UBE2E2: variants seen among roughly 807,000 people sequenced by gnomAD.
UBE2E2 encodes ubiquitin conjugating enzyme E2 E2, also known as ubiquitin-conjugating enzyme E2 E2.
In UBE2E2, 6 loss-of-function variants were observed where a neutral mutation model predicts 24.7. That is an observed-to-expected ratio of 0.24 (90% CI 0.13 to 0.48). UBE2E2 has a LOEUF of 0.48. Among genes scored for constraint, UBE2E2 ranks in the 20% least tolerant of loss-of-function variants. The pLI is 0.99. For synonymous variants in UBE2E2, 104 were observed against 83.6 expected, an observed-to-expected ratio of 1.24 and a Z score of -1.33; for missense variants, 169 against 245.0, an observed-to-expected ratio of 0.69 and a Z score of 2.07.
chr3:23,579,384 CAA>C lies in UBE2E2; in HGVS notation c.509-10334_509-10333del, dbSNP rs796492703. Among the ~76,000 whole-genome samples, 54 of 86,992 alleles carry C rather than the reference CAA, an allele frequency of 6.2e-4. 1 individual carries two copies. Among genetic ancestry groups the C allele is most frequent in the African/African-American group, 1.5e-3 (39 of 26,534 alleles). 57.1% of individuals were successfully genotyped at this position (86,992 alleles called of 152,430 possible). On this transcript the variant is annotated intron_variant, in intron 5 of 5. Coordinates refer to ENST00000396703, the MANE Select transcript of UBE2E2 (RefSeq NM_152653.4). ...TGGGCAACAGAGCAAGACTCCATCT[CAA>C]AAAAAAAAAAAAAAACCTAAAAGCC...
At chr3:23,502,757 A>G (rs920431767) in intron 4 of UBE2E2, among the ~76,000 whole-genome samples, 1 of 152,222 alleles carries the variant, frequency 6.6e-6, no homozygotes, top group Non-Finnish European at 1.5e-5. Flanking sequence ...GTTGAGTATT[A>G]GTACTTTTCA....
chr3:23,355,862 A>C (rs1226061922), intron 3 of UBE2E2, among the ~76,000 whole-genome samples: 1 of 152,250 alleles, frequency 6.6e-6, no homozygotes. Flanking sequence ...TGCAGTTCGT[A>C]CATACCTCTC....
intron 3 of UBE2E2, among the ~76,000 whole-genome samples, chr3:23,311,122 C>T (rs1361884473): frequency 6.6e-6 from 1 of 152,026 alleles, no homozygotes; most frequent in African/African-American, 2.4e-5. Flanking sequence ...GTTTTTTGTC[C>T]TTGTGATAGT....
chr3:23,455,162 A>G (rs1485125118), intron 3 of UBE2E2, among the ~76,000 whole-genome samples: 5 of 152,220 alleles, frequency 3.3e-5, no homozygotes, highest in African/African-American at 7.2e-5. Flanking sequence ...AGAACTATCA[A>G]CAATCTATAA....
intron 4 of UBE2E2, among the ~76,000 whole-genome samples, chr3:23,522,569 C>T (rs1279890625): frequency 6.6e-6 from 1 of 151,834 alleles, no homozygotes; most frequent in Non-Finnish European, 1.5e-5. Context: ...TTTCTGAACC[C>T]CTCCACTTTT....
At chr3:23,244,632 A>G (rs986116252) in intron 3 of UBE2E2, among the ~76,000 whole-genome samples, 2 of 152,172 alleles carry the variant, frequency 1.3e-5, no homozygotes, top group African/African-American at 2.4e-5. Flanking sequence ...AATTGTAATA[A>G]TGCCTTTATT....
chr3:23,301,690 C>T (rs1185010247), intron 3 of UBE2E2, among the ~76,000 whole-genome samples: 1 of 152,174 alleles, frequency 6.6e-6, no homozygotes, highest in Non-Finnish European at 1.5e-5. Context: ...CAGTCCACCC[C>T]CTACTGAGAG....
intron 3 of UBE2E2, among the ~76,000 whole-genome samples, chr3:23,412,267 G>T (rs1697512203): frequency 6.6e-6 from 1 of 152,034 alleles, no homozygotes; most frequent in Admixed American, 6.6e-5. Flanking sequence ...ACGTATTTGT[G>T]TTTTTAAAGA....
At chr3:23,545,226 G>A (rs1005907869) in intron 5 of UBE2E2, among the ~76,000 whole-genome samples, 2 of 152,096 alleles carry the variant, frequency 1.3e-5, no homozygotes, top group African/African-American at 4.8e-5. Context: ...GTGTCGGGCT[G>A]GGGGAGGGTC....
intron 5 of UBE2E2, among the ~76,000 whole-genome samples, chr3:23,563,756 T>C (rs1037702917): frequency 2.0e-5 from 3 of 152,128 alleles, no homozygotes; most frequent in Non-Finnish European, 4.4e-5. Flanking sequence ...AAGTGAAATA[T>C]TGGTAAATAA....
chr3:23,339,708 G>A (rs1695329455), intron 3 of UBE2E2, among the ~76,000 whole-genome samples: 1 of 151,864 alleles, frequency 6.6e-6, no homozygotes, highest in South Asian at 2.1e-4. Flanking sequence ...CTTCACTTGA[G>A]GATTTTTTTT....
rs59616788 is a variant in UBE2E2, at chr3:23,413,021, G to A, written c.228-86587G>A. On this transcript the variant is annotated intron_variant, in intron 3 of 5. Transcript: ENST00000396703. The stretch of plus-strand genomic sequence containing the variant: ...TGCTTATTGAAAGACACAGGAAGGG[G>A]AACATCACACTCCGGGGACAGTTTT... Among the ~76,000 whole-genome samples the A allele has an allele frequency of 6.3e-4, 87 of 138,350 alleles. 3 individuals carry two copies. The East Asian group carries it at 0.018, about 29-fold the overall frequency. 90.8% of individuals were successfully genotyped at this position (138,350 alleles called of 152,430 possible). A position where few individuals can be genotyped will look rare whatever the true frequency, so the allele number is the denominator to read the frequency against.
At chr3:23,563,061 C>G (rs1438772045) in intron 5 of UBE2E2, among the ~76,000 whole-genome samples, 2 of 152,034 alleles carry the variant, frequency 1.3e-5, no homozygotes, top group South Asian at 4.1e-4. Context: ...TTTTGTGTCT[C>G]TATCTCCTTC....
At chr3:23,446,331 A>G (rs1176363564) in intron 3 of UBE2E2, among the ~76,000 whole-genome samples, 2 of 152,208 alleles carry the variant, frequency 1.3e-5, no homozygotes, top group African/African-American at 4.8e-5. Context: ...GTGTGTGCCC[A>G]TAACCCTTAA....
chr3:23,572,124 T>C (rs1390658088), intron 5 of UBE2E2, among the ~76,000 whole-genome samples: 1 of 152,210 alleles, frequency 6.6e-6, no homozygotes, highest in Non-Finnish European at 1.5e-5. Flanking sequence ...TTCCCAATTT[T>C]AGATCTAGTT....
intron 3 of UBE2E2, among the ~76,000 whole-genome samples, chr3:23,294,877 CA>C (rs1455607469): frequency 6.6e-6 from 1 of 151,784 alleles, no homozygotes; most frequent in Non-Finnish European, 1.5e-5. Context: ...TATAATGATG[CA>C]GGTAATTATT....
intron 5 of UBE2E2, among the ~76,000 whole-genome samples, chr3:23,559,151 GC>G (rs1325209836): frequency 6.6e-6 from 1 of 152,066 alleles, no homozygotes; most frequent in Non-Finnish European, 1.5e-5. Context: ...AAGCACTGAA[GC>G]TTTATTCTTA....
chr3:23,480,129 A>G (rs1699225903), intron 3 of UBE2E2, among the ~76,000 whole-genome samples: 2 of 152,144 alleles, frequency 1.3e-5, no homozygotes, highest in South Asian at 4.1e-4. Context: ...AGGCGCCCAC[A>G]GGTCCATGCC....
chr3:23,261,532 C>T (rs961372694), intron 3 of UBE2E2, among the ~76,000 whole-genome samples: 1 of 152,082 alleles, frequency 6.6e-6, no homozygotes, highest in Non-Finnish European at 1.5e-5. Context: ...TATAGTATTA[C>T]TAGCTATAGT....
Sources: gnomAD v4.1 joint callset for allele counts (sites outside exome capture counted in the v4.1 genomes callset) on GRCh38, gnomAD v4.1.1 for gene constraint, MANE v1.5 for transcripts, NCBI Gene and HGNC (gene_info 2026-07-23, HGNC 2026-07-21) for gene names.